CPED1: variants seen among roughly 807,000 people sequenced by gnomAD.
CPED1 encodes the protein cadherin like and PC-esterase domain containing 1, also known as cadherin-like and PC-esterase domain-containing protein 1.
In CPED1, 114 loss-of-function variants were observed where a neutral mutation model predicts 128.2. The observed-to-expected ratio is 0.89, with a 90% CI of 0.76 to 1.04. The LOEUF is 1.04. Among genes scored for constraint, CPED1 ranks in the 50% least tolerant of loss-of-function variants. The probability of loss-of-function intolerance (pLI) is 0.00; values close to 1 mark genes in which losing one functional copy is unlikely to be tolerated. For missense variants in CPED1, 1,211 were observed against 1,207.1 expected (o/e 1.00, Z -0.05); for synonymous variants, 462 against 426.7 (o/e 1.08, Z -1.02).
intron 16 of CPED1, among the ~76,000 whole-genome samples, chr7:121,149,944 ACTTC>A (rs1317855676): frequency 6.6e-6 from 1 of 151,962 alleles, no homozygotes; most frequent in Non-Finnish European, 1.5e-5. Flanking sequence ...ATCTTTCTTC[ACTTC>A]CTTCCCCATT....
At chr7:121,262,319 A>G (rs1792037763) in intron 18 of CPED1, among the ~76,000 whole-genome samples, 1 of 152,068 alleles carries the variant, frequency 6.6e-6, no homozygotes, top group Non-Finnish European at 1.5e-5. Context: ...ATTCTTTTAT[A>G]GTGATGCAAG....
chr7:121,121,171 A>T (rs1016495808), intron 7 of CPED1, among the ~76,000 whole-genome samples: 6 of 152,120 alleles, frequency 3.9e-5, no homozygotes, highest in Non-Finnish European at 7.4e-5. Context: ...ATGTGGTGGA[A>T]TGAAGTAGAT....
At chr7:121,267,839 T>C (rs888827141) in intron 21 of CPED1, among the ~76,000 whole-genome samples, 2 of 152,016 alleles carry the variant, frequency 1.3e-5, no homozygotes, top group Non-Finnish European at 2.9e-5. Flanking sequence ...GTAATGACCC[T>C]GGTGAGCACT....
At position 121,128,391 on chromosome 7, in the gene CPED1, T is replaced by G; in HGVS notation, c.1312T>G (p.Tyr438Asp). Residue 438 changes from tyrosine to aspartate, a missense_variant, in exon 11 of 23, where the codon TAT becomes GAT. By Grantham distance (160) the Tyr-to-Asp change is radical. Coordinates refer to ENST00000310396, the MANE Select transcript of CPED1 (RefSeq NM_024913.5). ...YRSDVFKGEN[Y>D]QKELNQCLSL... ...CCCCCTACCAATACAGGGTGAAAACTATCAAAAGGAACTAAATCAGTGTCT... is the reference window on the plus strand; with the variant it reads ...CCCCCTACCAATACAGGGTGAAAACGATCAAAAGGAACTAAATCAGTGTCT... The G allele has an allele frequency of 6.3e-7, 1 of 1,575,758 alleles. No individual in the cohort carries two copies. The highest frequency in any genetic ancestry group is 8.7e-7 in the Non-Finnish European group (1 of 1,145,458).
intron 4 of CPED1, chr7:121,062,697 C>T (rs1405440301): frequency 6.6e-6 from 1 of 151,848 alleles, no homozygotes; most frequent in Admixed American, 6.6e-5. Context: ...TGTGTCCCCA[C>T]CCAAATCTCA....
intron 16 of CPED1, among the ~76,000 whole-genome samples, chr7:121,194,048 A>ATATAT (rs1396095392): frequency 6.5e-4 from 31 of 47,450 alleles, no homozygotes; most frequent in African/African-American, 2.4e-3. Context: ...ATATATATAT[A>ATATAT]TTTTTTTTTT....
chr7:120,992,753 A>G (rs569515442), intron 2 of CPED1, among the ~76,000 whole-genome samples: 37 of 152,216 alleles, frequency 2.4e-4, no homozygotes, highest in Non-Finnish European at 4.7e-4. Flanking sequence ...TATTCATTGA[A>G]TAAGTAATAC....
chr7:121,054,636 A>G (rs1001153030), intron 4 of CPED1, among the ~76,000 whole-genome samples: 2 of 149,684 alleles, frequency 1.3e-5, no homozygotes, highest in East Asian at 3.9e-4. Flanking sequence ...TGAGTCCCCA[A>G]CCTCCACCCC....
intron 22 of CPED1, among the ~76,000 whole-genome samples, chr7:121,293,581 G>A (rs1792757922): frequency 6.6e-6 from 1 of 152,346 alleles, no homozygotes; most frequent in South Asian, 2.1e-4. Flanking sequence ...AGCTAGCTCA[G>A]TGTGTGCCCA....
At chr7:121,259,287 T>G (rs10274324) in intron 18 of CPED1, among the ~76,000 whole-genome samples, 15,654 of 152,050 alleles carry the variant, frequency 0.1, 1,065 homozygotes, top group African/African-American at 0.18. Context: ...AGGATCATAC[T>G]TCATATACCT....
intron 5 of CPED1, among the ~76,000 whole-genome samples, chr7:121,087,667 G>T (rs2968348): frequency 0.85 from 117,509 of 138,344 alleles, 49,298 homozygotes; most frequent in Middle Eastern, 0.96. Context: ...TTTCTTTCCT[G>T]TTTTTTTTTT....
At chr7:121,074,454 C>G (rs1794070596) in intron 5 of CPED1, among the ~76,000 whole-genome samples, 1 of 149,002 alleles carries the variant, frequency 6.7e-6, no homozygotes, top group Non-Finnish European at 1.5e-5. Context: ...GCCTACTCCT[C>G]CCTACCTTAA....
At chr7:121,273,256 C>A (rs1562858891) in intron 22 of CPED1, among the ~76,000 whole-genome samples, 1 of 151,954 alleles carries the variant, frequency 6.6e-6, no homozygotes, top group Non-Finnish European at 1.5e-5. Flanking sequence ...AGTGTGGTAG[C>A]TCACACCTGT....
chr7:121,155,358 A>G (rs1374990360), intron 16 of CPED1, among the ~76,000 whole-genome samples: 1 of 152,186 alleles, frequency 6.6e-6, no homozygotes, highest in African/African-American at 2.4e-5. Flanking sequence ...TAGAAAAACA[A>G]TCCTAAAATT....
At chr7:121,277,411 T>TA (rs1168724407) in intron 22 of CPED1, among the ~76,000 whole-genome samples, 32 of 151,976 alleles carry the variant, frequency 2.1e-4, no homozygotes, top group Admixed American at 1.5e-3. Context: ...CATCAGAAAA[T>TA]AGGTTGTAGT....
At chr7:121,279,674 A>G (rs1159805906) in intron 22 of CPED1, among the ~76,000 whole-genome samples, 2 of 152,192 alleles carry the variant, frequency 1.3e-5, no homozygotes, top group Non-Finnish European at 2.9e-5. Context: ...CTAGAAGTCT[A>G]TGTGCAAAAT....
chr7:120,994,390 G>A (rs1268544200), intron 2 of CPED1, among the ~76,000 whole-genome samples: 1 of 151,844 alleles, frequency 6.6e-6, no homozygotes, highest in Non-Finnish European at 1.5e-5. Flanking sequence ...GTATGTATTA[G>A]CCTCTTTATG....
At chr7:121,142,225 C>A in intron 16 of CPED1, 84 bp downstream of exon 16, 1 of 1,272,840 alleles carries the variant, frequency 7.9e-7, no homozygotes, top group Non-Finnish European at 1.1e-6. Context: ...AAAATTATTA[C>A]AAGAAATTGT....
intron 16 of CPED1, among the ~76,000 whole-genome samples, chr7:121,156,887 G>T (rs984969990): frequency 1.3e-5 from 2 of 151,952 alleles, no homozygotes; most frequent in Non-Finnish European, 2.9e-5. Context: ...TAACACCAGG[G>T]CACCCATAAA....
Sources: allele counts gnomAD v4.1 joint callset (sites outside exome capture counted in the v4.1 genomes callset), GRCh38; gene constraint gnomAD v4.1.1; transcripts MANE v1.5; gene names NCBI Gene and HGNC (gene_info 2026-07-23, HGNC 2026-07-21).